The following GRIP1 variants were observed in gnomAD, a reference collection of about 807,000 sequenced individuals.
GRIP1 encodes the protein glutamate receptor interacting protein 1, also known as glutamate receptor-interacting protein 1.
Under a neutral mutation model 129.9 loss-of-function variants are expected in GRIP1, and 45 were observed. The observed-to-expected ratio is 0.35, with a 90% confidence interval of 0.27 to 0.44. The LOEUF is 0.44. Ranked by LOEUF, GRIP1 falls within the 20% of genes least tolerant of loss-of-function variation. GRIP1 has a pLI of 1.00. For missense variants in GRIP1, 1,196 were observed against 1,396.8 expected, an observed-to-expected ratio of 0.86 and a Z score of 2.29; for synonymous variants, 530 against 520.8, an observed-to-expected ratio of 1.02 and a Z score of -0.24.
At chr12:66,351,633 C>T (rs1174779518) in intron 24 of GRIP1, among the ~76,000 whole-genome samples, 1 of 149,422 alleles carries the variant, frequency 6.7e-6, no homozygotes, top group Non-Finnish European at 1.5e-5. Context: ...CTCACTGCAA[C>T]CTCTGAACAG....
chr12:66,529,256 A>C (rs1329996764), intron 5 of GRIP1, among the ~76,000 whole-genome samples: 1 of 152,218 alleles, frequency 6.6e-6, no homozygotes, highest in Non-Finnish European at 1.5e-5. Context: ...CAAAAAGTAG[A>C]ACTATCATTT....
rs773895525 is a variant in GRIP1, at chr12:66,371,718, A to G, written c.2988T>C (p.Ser996=). The G allele has an allele frequency of 6.2e-7, 1 of 1,612,116 alleles. No individual in the cohort carries two copies. The change falls in exon 23 of 25, where the codon TCT becomes TCC. Residue 996 remains serine, a synonymous_variant. Transcript: ENST00000359742. ...KMKQEIKEIM[S]PTPVELHKVT... is the part of the protein sequence containing the mutation. ...CCTTGTGCAGCTCCACAGGAGTTGG[A>G]GACATGATCTCCTTTATTTCTTGTT...
intron 1 of GRIP1, among the ~76,000 whole-genome samples, chr12:66,963,164 C>T (rs1483155847): frequency 6.6e-6 from 1 of 151,598 alleles, no homozygotes; most frequent in Non-Finnish European, 1.5e-5. Flanking sequence ...CAAAAAAAAA[C>T]ATTAGCCAGG....
chr12:67,004,446 A>G (rs1326588406), intron 1 of GRIP1, among the ~76,000 whole-genome samples: 1 of 152,200 alleles, frequency 6.6e-6, no homozygotes, highest in African/African-American at 2.4e-5. Flanking sequence ...AAATTAATAA[A>G]TTATTCAATG....
intron 1 of GRIP1, among the ~76,000 whole-genome samples, chr12:66,691,006 A>C (rs1221619909): frequency 1.3e-5 from 2 of 152,132 alleles, no homozygotes; most frequent in Non-Finnish European, 1.5e-5. Flanking sequence ...CATTTCCAAC[A>C]ACAGTGTAAA....
At chr12:66,698,902 A>T (rs2035255550) in intron 1 of GRIP1, among the ~76,000 whole-genome samples, 1 of 152,174 alleles carries the variant, frequency 6.6e-6, no homozygotes, top group Non-Finnish European at 1.5e-5. Context: ...TCATATTTTC[A>T]TAAGTGGGGA....
intron 1 of GRIP1, among the ~76,000 whole-genome samples, chr12:66,874,934 T>C (rs938563528): frequency 2.4e-5 from 3 of 126,638 alleles, no homozygotes; most frequent in African/African-American, 9.2e-5. Flanking sequence ...GCAGCCTTTG[T>C]ACATTCTAAG....
chr12:66,919,069 T>C (rs1346175403), intron 1 of GRIP1, among the ~76,000 whole-genome samples: 1 of 152,196 alleles, frequency 6.6e-6, no homozygotes, highest in Non-Finnish European at 1.5e-5. Context: ...CATGACTTTC[T>C]GCAGTTTCAG....
At chr12:66,729,934 T>C (rs1442514574) in intron 1 of GRIP1, among the ~76,000 whole-genome samples, 2 of 152,200 alleles carry the variant, frequency 1.3e-5, no homozygotes, top group South Asian at 2.1e-4. Flanking sequence ...TGCTTTACTA[T>C]AGCATATATC....
At chr12:66,980,991 G>A (rs1263443619) in intron 1 of GRIP1, among the ~76,000 whole-genome samples, 1 of 152,192 alleles carries the variant, frequency 6.6e-6, no homozygotes, top group Non-Finnish European at 1.5e-5. Context: ...TTCTGCAAAT[G>A]TGCTGTTTCC....
chr12:66,398,036 C>T (rs2056859316), intron 16 of GRIP1, among the ~76,000 whole-genome samples: 1 of 152,150 alleles, frequency 6.6e-6, no homozygotes, highest in African/African-American at 2.4e-5. Context: ...CGTCTGCCCA[C>T]AAGACAAGCT....
intron 13 of GRIP1, among the ~76,000 whole-genome samples, chr12:66,435,275 C>T (rs2058268954): frequency 6.9e-6 from 1 of 145,480 alleles, no homozygotes; most frequent in Non-Finnish European, 1.5e-5. Context: ...AATCACAGTT[C>T]ACTGCAGCCT....
intron 1 of GRIP1, among the ~76,000 whole-genome samples, chr12:66,637,865 A>G (rs1316905889): frequency 2.0e-5 from 3 of 152,268 alleles, no homozygotes; most frequent in Non-Finnish European, 4.4e-5. Context: ...GGGACAGATA[A>G]CTAAGCAAGC....
Position 66,946,124 on chromosome 12 carries a change from C to T in GRIP1, c.58+122926G>A, listed in dbSNP as rs181225088. The stretch of plus-strand genomic sequence containing the variant: ...ACAACTCAATGTTTTCTTAAAAGAC[C>T]TTTCTATTTCTTTCCTTTTCAAAAA... On this transcript the variant is annotated intron_variant, in intron 1 of 1. Coordinates refer to the GRIP1 transcript ENST00000643019. 5.9e-5 allele frequency among the ~76,000 whole-genome samples: 9 copies of T among 152,260 alleles called. No homozygotes were observed. In the East Asian group the frequency reaches 1.7e-3, roughly 29 times the overall value.
At chr12:66,727,841 A>G (rs1464803750) in intron 1 of GRIP1, among the ~76,000 whole-genome samples, 1 of 152,216 alleles carries the variant, frequency 6.6e-6, no homozygotes. Context: ...AGAAATATGC[A>G]TATAAGTTCA....
At chr12:66,643,329 G>A (rs2032092921) in intron 1 of GRIP1, among the ~76,000 whole-genome samples, 2 of 152,118 alleles carry the variant, frequency 1.3e-5, no homozygotes, top group African/African-American at 4.8e-5. Flanking sequence ...GTAACATTCT[G>A]AATAATAAAT....
intron 1 of GRIP1, among the ~76,000 whole-genome samples, chr12:66,878,819 G>A (rs1370059502): frequency 1.3e-5 from 2 of 151,938 alleles, no homozygotes; most frequent in African/African-American, 4.8e-5. Context: ...AAGGGAAGAG[G>A]AATAGAGGTG....
chr12:66,811,486 G>A (rs1033898836), intron 1 of GRIP1, among the ~76,000 whole-genome samples: 1 of 149,118 alleles, frequency 6.7e-6, no homozygotes, highest in African/African-American at 2.5e-5. Flanking sequence ...TGTCTTTTAA[G>A]GTAATTGTGA....
intron 4 of GRIP1, among the ~76,000 whole-genome samples, chr12:66,532,773 TCAC>T (rs368400767): frequency 1.2e-4 from 18 of 151,576 alleles, no homozygotes; most frequent in African/African-American, 3.9e-4. Context: ...CTCCTCCACT[TCAC>T]CACCACCACC....
Sources: gnomAD v4.1 joint callset for allele counts (sites outside exome capture counted in the v4.1 genomes callset) on GRCh38, gnomAD v4.1.1 for gene constraint, MANE v1.5 for transcripts, NCBI Gene and HGNC (gene_info 2026-07-23, HGNC 2026-07-21) for gene names.